MYO5A: variants seen among roughly 807,000 people sequenced by gnomAD.
MYO5A encodes unconventional myosin-Va.
A neutral mutation model predicts 249.7 loss-of-function variants in MYO5A; 98 were observed. That is an observed-to-expected ratio of 0.39 (90% confidence interval 0.33 to 0.46). The LOEUF is 0.46. Among genes scored for constraint, MYO5A ranks in the 20% least tolerant of loss-of-function variants. The pLI is 0.98. For missense variants in MYO5A, 1,696 were observed against 2,308.8 expected (o/e 0.73, Z 5.44); for synonymous variants, 778 against 810.6 (o/e 0.96, Z 0.68).
intron 1 of MYO5A, chr15:52,437,957 C>T (rs11853586): frequency 0.17 from 147,567 of 889,420 alleles, 12,588 homozygotes; most frequent in Middle Eastern, 0.22. Flanking sequence ...TAACCAATTT[C>T]CTCTTTATCT....
At chr15:52,361,763 G>C (rs554209791) in intron 24 of MYO5A, among the ~76,000 whole-genome samples, 1 of 152,098 alleles carries the variant, frequency 6.6e-6, no homozygotes, top group Non-Finnish European at 1.5e-5. Context: ...TCTGTTTTTA[G>C]GATTTTGTTC....
chr15:52,434,591 T>C (rs1291264061), intron 1 of MYO5A, among the ~76,000 whole-genome samples: 1 of 152,158 alleles, frequency 6.6e-6, no homozygotes, highest in Admixed American at 6.5e-5. Flanking sequence ...GCAAATATTT[T>C]GCCTCAACTA....
At chr15:52,398,637 T>G (rs78663890) in intron 9 of MYO5A, among the ~76,000 whole-genome samples, 8,943 of 152,220 alleles carry the variant, frequency 0.059, 319 homozygotes, top group East Asian at 0.2. Context: ...CACTGCCTGC[T>G]CAACTCCCTT....
At chr15:52,326,592 T>C (rs1302798728) in intron 36 of MYO5A, among the ~76,000 whole-genome samples, 1 of 152,144 alleles carries the variant, frequency 6.6e-6, no homozygotes, top group Non-Finnish European at 1.5e-5. Flanking sequence ...GTACTGTGTT[T>C]CAGTTGGGGA....
At chr15:52,481,016 G>A (rs1398048018) in intron 1 of MYO5A, among the ~76,000 whole-genome samples, 1 of 152,188 alleles carries the variant, frequency 6.6e-6, no homozygotes, top group African/African-American at 2.4e-5. Flanking sequence ...TTCTTTGCTA[G>A]AGCCATGGCA....
chr15:52,474,027 T>C (rs1407254904), intron 1 of MYO5A, among the ~76,000 whole-genome samples: 2 of 152,244 alleles, frequency 1.3e-5, no homozygotes, highest in Non-Finnish European at 2.9e-5. Context: ...TCCATGAGCA[T>C]GGAATGTTCT....
chr15:52,346,962 A>T (rs2039666515), intron 29 of MYO5A, among the ~76,000 whole-genome samples: 1 of 151,932 alleles, frequency 6.6e-6, no homozygotes, highest in Non-Finnish European at 1.5e-5. Flanking sequence ...ACTCAGAAAA[A>T]GAAGGTAGTA....
rs1329241164 is a variant in MYO5A at position 52,343,123 on chromosome 15, G to A, written c.4034C>T (p.Ala1345Val). ...LWLVYEGLKQ[A>V]NRLLESQLQS... Reference sequence around the variant, plus strand: ...TTGAGGAGACAAATATAACCTGTTGGCTTGTTTTAACCCTTCATAAACCAG... The same window carrying A: ...TTGAGGAGACAAATATAACCTGTTGACTTGTTTTAACCCTTCATAAACCAG... The change falls in exon 31 of 42, where the codon GCC becomes GTC. Residue 1345 changes from alanine to valine, a missense_variant. By Grantham distance (64) the Ala-to-Val change is moderately conservative (BLOSUM62 0). Coordinates refer to ENST00000399233, the MANE Select transcript of MYO5A (RefSeq NM_001382347.1). 1 of 1,610,898 alleles carries A rather than the reference G, an allele frequency of 6.2e-7. No homozygotes were observed.
chr15:52,518,594 T>C (rs151189873), intron 1 of MYO5A, among the ~76,000 whole-genome samples: 23 of 152,280 alleles, frequency 1.5e-4, no homozygotes, highest in Non-Finnish European at 2.9e-4. Context: ...AGCTTAAGCA[T>C]AGAGAGACCA....
At chr15:52,364,433 G>T in intron 24 of MYO5A, 121 bp downstream of exon 24, 1 of 902,440 alleles carries the variant, frequency 1.1e-6, no homozygotes, top group Non-Finnish European at 1.7e-6. Context: ...AATATGTGTT[G>T]AACATTCTGG....
At chr15:52,327,484 G>C (rs1416260948) in intron 36 of MYO5A, among the ~76,000 whole-genome samples, 4 of 152,106 alleles carry the variant, frequency 2.6e-5, no homozygotes, top group Non-Finnish European at 5.9e-5. Flanking sequence ...GAAGGGGGAG[G>C]ATCACTTGAG....
At chr15:52,353,718 C>T in intron 26 of MYO5A, 60 bp from the exon 27 acceptor site, 2 of 1,588,072 alleles carry the variant, frequency 1.3e-6, no homozygotes, top group African/African-American at 1.3e-5. Flanking sequence ...AAAATATTTA[C>T]TTGCTCTACC....
intron 1 of MYO5A, among the ~76,000 whole-genome samples, chr15:52,445,318 G>C (rs1461909932): frequency 6.6e-6 from 1 of 152,064 alleles, no homozygotes; most frequent in Non-Finnish European, 1.5e-5. Context: ...CTCCTGCCTT[G>C]CTTTCCACCG....
chr15:52,410,586 T>G (rs2043204048), intron 5 of MYO5A, 110 bp from the exon 6 acceptor site: 3 of 1,055,954 alleles, frequency 2.8e-6, no homozygotes, highest in Non-Finnish European at 4.1e-6. Context: ...TCCTTAAAAT[T>G]GATTTTTTTT....
In MYO5A at chr15:52,323,345, GT is replaced by G. The variant is rs779567294; in HGVS notation, c.4800+9del. ...ATAGCATGCTGGTTTTGTAATCAAG[GT>G]TTTCTCACCTCTTCTCCACTGTACT... On this transcript the variant is annotated intron_variant, in intron 37 of 41. Transcript: ENST00000399233. 5.6e-5 allele frequency: 90 copies of G among 1,608,238 alleles called. 1 individual carries two copies. The African/African-American group carries it at 1.2e-3, about 21-fold the overall frequency.
intron 22 of MYO5A, 145 bp downstream of exon 22, chr15:52,370,024 G>C: frequency 9.2e-7 from 1 of 1,084,904 alleles, no homozygotes; most frequent in Non-Finnish European, 1.4e-6. Context: ...TAAATGCTTG[G>C]GAAACAGTAA....
intron 6 of MYO5A, among the ~76,000 whole-genome samples, chr15:52,409,403 T>C (rs948838234): frequency 6.6e-6 from 1 of 152,214 alleles, no homozygotes; most frequent in East Asian, 1.9e-4. Flanking sequence ...CTGTTCTGTA[T>C]GTACCTAGAT....
intron 2 of MYO5A, among the ~76,000 whole-genome samples, chr15:52,431,766 G>A (rs1360375647): frequency 6.6e-6 from 1 of 151,360 alleles, no homozygotes; most frequent in Non-Finnish European, 1.5e-5. Flanking sequence ...TGGGAGGACT[G>A]CTTGAGCTCA....
intron 1 of MYO5A, among the ~76,000 whole-genome samples, chr15:52,513,743 A>G (rs1452475766): frequency 1.3e-5 from 2 of 152,110 alleles, no homozygotes; most frequent in East Asian, 3.9e-4. Context: ...GAATAAGTTA[A>G]TTCTATAGCC....
Sources: allele counts gnomAD v4.1 joint callset (sites outside exome capture counted in the v4.1 genomes callset), GRCh38; gene constraint gnomAD v4.1.1; transcripts MANE v1.5; gene names NCBI Gene and HGNC (gene_info 2026-07-23, HGNC 2026-07-21).